Variants in CLNK observed in about 807,000 individuals in gnomAD.
CLNK encodes cytokine dependent hematopoietic cell linker, also known as cytokine-dependent hematopoietic cell linker.
A neutral mutation model predicts 68.6 loss-of-function variants in CLNK; 74 were observed. That is an observed-to-expected ratio of 1.08 (90% confidence interval 0.89 to 1.31). CLNK has a LOEUF of 1.31. Ranked by LOEUF, CLNK falls within the 50% of genes most tolerant of loss-of-function variation. The pLI is 0.00. For synonymous variants in CLNK, 198 were observed against 172.2 expected (o/e 1.15, Z -1.17); for missense variants, 553 against 515.3 (o/e 1.07, Z -0.71).
intron 2 of CLNK, among the ~76,000 whole-genome samples, chr4:10,649,446 G>C (rs1723643699): frequency 1.3e-5 from 2 of 152,090 alleles, no homozygotes; most frequent in African/African-American, 4.8e-5. Context: ...GAGGAAAATG[G>C]CCTTTAATTT....
intron 3 of CLNK, among the ~76,000 whole-genome samples, chr4:10,590,368 G>A (rs868799083): frequency 1.3e-5 from 2 of 152,132 alleles, no homozygotes; most frequent in South Asian, 2.1e-4. Flanking sequence ...ACTTATCCAT[G>A]GGAACAGAGT....
intron 1 of CLNK, among the ~76,000 whole-genome samples, chr4:10,678,858 A>C (rs971223428): frequency 6.6e-6 from 1 of 152,200 alleles, no homozygotes; most frequent in African/African-American, 2.4e-5. Context: ...TCAATGAAAT[A>C]AAAGAGTATA....
chr4:10,655,008 G>A, intron 2 of CLNK, among the ~76,000 whole-genome samples: 1 of 150,982 alleles, frequency 6.6e-6, no homozygotes, highest in African/African-American at 2.4e-5. Context: ...GGCTGAGGCA[G>A]GAGAATGGCG....
chr4:10,537,637 C>CCT, intron 11 of CLNK, among the ~76,000 whole-genome samples: 2 of 76,246 alleles, frequency 2.6e-5, no homozygotes, highest in East Asian at 7.4e-4. Flanking sequence ...TTCTTTCTTT[C>CCT]TCTTTCTTTC....
In CLNK at chr4:10,532,286, G is replaced by A; in HGVS notation, c.603-3C>T. The A allele has an allele frequency of 6.2e-7, 1 of 1,607,608 alleles. No homozygotes were observed. The highest frequency in any genetic ancestry group is 8.5e-7 in the Non-Finnish European group (1 of 1,175,202). ...TTAAGTCCCTTAAGCTTATCTGACT[G>A]CAAGAAAAAGAAATACGGTGTTACA... On this transcript the variant is annotated splice_polypyrimidine_tract_variant and splice_region_variant and intron_variant, in intron 11 of 18. Coordinates refer to ENST00000226951, the MANE Select transcript of CLNK (RefSeq NM_052964.4).
At chr4:10,594,736 A>G (rs1451943909) in intron 3 of CLNK, among the ~76,000 whole-genome samples, 2 of 152,258 alleles carry the variant, frequency 1.3e-5, no homozygotes, top group Non-Finnish European at 2.9e-5. Flanking sequence ...ATATGCTGAC[A>G]TATACTTATA....
Position 10,586,326 on chromosome 4 carries a change from CTTTTTTTTTCTT to C in CLNK, c.84-1383_84-1372del, listed in dbSNP as rs1429725830. Among the ~76,000 whole-genome samples, 4 of 112,866 alleles carry C rather than the reference CTTTTTTTTTCTT, an allele frequency of 3.5e-5. No homozygotes were observed. In the East Asian group the frequency reaches 8.7e-4, roughly 25 times the overall value. 74.0% of individuals were successfully genotyped at this position (112,866 alleles called of 152,430 possible). A position where few individuals can be genotyped will look rare whatever the true frequency, so the allele number is the denominator to read the frequency against. On this transcript the variant is annotated intron_variant, in intron 3 of 18. Coordinates refer to ENST00000226951, the MANE Select transcript of CLNK (RefSeq NM_052964.4). ...TTTTAAACCTCATCTCTGAATCTTT[CTTTTTTTTTCTT>C]TTTTTTTTTTTTTTTTGAGACAGAG... is the stretch of plus-strand genomic sequence containing the variant.
At chr4:10,503,461 CAA>C (rs1005765855) in intron 17 of CLNK, among the ~76,000 whole-genome samples, 3 of 112,728 alleles carry the variant, frequency 2.7e-5, no homozygotes, top group Non-Finnish European at 1.8e-5. Context: ...GACCCTGTCT[CAA>C]AAAAAAAAAA....
intron 3 of CLNK, among the ~76,000 whole-genome samples, chr4:10,586,262 CCTAA>C (rs1395827659): frequency 6.6e-6 from 1 of 151,910 alleles, no homozygotes; most frequent in Non-Finnish European, 1.5e-5. Context: ...TTTTGCTAGT[CCTAA>C]CTATGTAAAA....
the CLNK span, among the ~76,000 whole-genome samples, chr4:10,701,244 C>T: frequency 6.6e-6 from 1 of 152,222 alleles, no homozygotes; most frequent in Non-Finnish European, 1.5e-5. Flanking sequence ...GGCTTGGTTG[C>T]ATCTATTGCC....
the CLNK span, among the ~76,000 whole-genome samples, chr4:10,699,466 GTCTCTCTCTCTC>G: frequency 3.0e-4 from 18 of 60,578 alleles, no homozygotes; most frequent in South Asian, 6.8e-4. Context: ...CATCCTCTCT[GTCTCTCTCTCTC>G]TCTCTCTCTC....
chr4:10,726,908 T>A, the CLNK span, among the ~76,000 whole-genome samples: 1 of 152,342 alleles, frequency 6.6e-6, no homozygotes, highest in Middle Eastern at 3.4e-3. Flanking sequence ...TGTTGTTACC[T>A]GTAACAGACA....
At chr4:10,586,670 C>G (rs1487657911) in intron 3 of CLNK, among the ~76,000 whole-genome samples, 1 of 152,040 alleles carries the variant, frequency 6.6e-6, no homozygotes, top group East Asian at 1.9e-4. Context: ...ATAATGTGAA[C>G]ACTCTGGGCC....
chr4:10,582,404 T>A (rs6819450), intron 4 of CLNK, among the ~76,000 whole-genome samples: 1 of 152,100 alleles, frequency 6.6e-6, no homozygotes, highest in African/African-American at 2.4e-5. Context: ...GTATTTTCCC[T>A]GACAAGATGA....
intron 12 of CLNK, among the ~76,000 whole-genome samples, chr4:10,529,186 G>A (rs1428399466): frequency 2.6e-5 from 4 of 152,142 alleles, no homozygotes; most frequent in Non-Finnish European, 5.9e-5. Context: ...TGGCCTGATG[G>A]GGTCCATGAA....
At chr4:10,734,399 C>T in the CLNK span, among the ~76,000 whole-genome samples, 1 of 152,178 alleles carries the variant, frequency 6.6e-6, no homozygotes, top group Non-Finnish European at 1.5e-5. Flanking sequence ...CCTGGCATTA[C>T]CCAGCCGAAT....
At chr4:10,526,007 T>C in intron 13 of CLNK, 85 bp from the exon 14 acceptor site, 2 of 750,700 alleles carry the variant, frequency 2.7e-6, no homozygotes, top group South Asian at 3.5e-5. Context: ...ACTACTATAA[T>C]TTCCTCCAAG....
At chr4:10,535,213 G>GAGAAAGAAAGAAGGAAAGAAAGAA (rs1718700624) in intron 11 of CLNK, among the ~76,000 whole-genome samples, 1 of 131,298 alleles carries the variant, frequency 7.6e-6, no homozygotes, top group African/African-American at 2.9e-5. Flanking sequence ...AAGAAAGAAA[G>GAGAAAGAAAGAAGGAAAGAAAGAA]AGAAAGAAAG....
chr4:10,629,734 G>A (rs1006414717), intron 2 of CLNK, among the ~76,000 whole-genome samples: 1 of 151,880 alleles, frequency 6.6e-6, no homozygotes, highest in Non-Finnish European at 1.5e-5. Context: ...AGAGTTTGGG[G>A]GGAAGGCAGT....
Sources: gnomAD v4.1 joint callset for allele counts (sites outside exome capture counted in the v4.1 genomes callset) on GRCh38, gnomAD v4.1.1 for gene constraint, MANE v1.5 for transcripts, NCBI Gene and HGNC (gene_info 2026-07-23, HGNC 2026-07-21) for gene names.